Variants in ERBB2 observed in about 807,000 individuals in gnomAD.
ERBB2 encodes the protein erb-b2 receptor tyrosine kinase 2.
Under a neutral mutation model 149.0 loss-of-function variants are expected in ERBB2, and 61 were observed. The observed-to-expected ratio is 0.41, with a 90% confidence interval of 0.33 to 0.51. The LOEUF (loss-of-function observed/expected upper bound fraction) is 0.51, where lower values mean the gene tolerates loss of function less well. Ranked by LOEUF, ERBB2 falls within the 20% of genes least tolerant of loss-of-function variation. ERBB2 has a pLI of 0.25. For synonymous variants in ERBB2, 633 were observed against 678.8 expected (o/e 0.93, Z 1.05); for missense variants, 1,205 against 1,655.1 (o/e 0.73, Z 4.72).
chr17:39,716,715 C>A, intron 14 of ERBB2, 110 bp downstream of exon 14: 1 of 991,080 alleles, frequency 1.0e-6, no homozygotes, highest in Non-Finnish European at 1.5e-6. Context: ...GTAAAATATC[C>A]CTGGAGAGGG....
chr17:39,711,411 C>G (rs867519271), intron 7 of ERBB2, among the ~76,000 whole-genome samples: 10 of 152,302 alleles, frequency 6.6e-5, no homozygotes, highest in Non-Finnish European at 1.3e-4. Flanking sequence ...AAGCTGGTCT[C>G]GAACTCCTGA....
At chr17:39,705,740 C>T (rs2058387750) in intron 1 of ERBB2, among the ~76,000 whole-genome samples, 1 of 152,022 alleles carries the variant, frequency 6.6e-6, no homozygotes, top group Non-Finnish European at 1.5e-5. Flanking sequence ...GTATTACCCC[C>T]TAGGATTTGA....
At chr17:39,714,640 T>G (rs2059011024) in intron 9 of ERBB2, among the ~76,000 whole-genome samples, 1 of 152,080 alleles carries the variant, frequency 6.6e-6, no homozygotes, top group Non-Finnish European at 1.5e-5. Context: ...ATTTAACAGC[T>G]CCCCTATTTA....
At chr17:39,695,001 G>A (rs1448184940) in exon 1 of ERBB2, 1 of 152,418 alleles carries the variant, frequency 6.6e-6, no homozygotes, top group African/African-American at 2.4e-5. Flanking sequence ...GCAAAGCAAA[G>A]CTATATTCAA....
Position 39,728,155 on chromosome 17 carries a change from C to A in ERBB2, c.*111C>A. 1.4e-6 allele frequency: 1 copy of A among 733,056 alleles called. No homozygotes were observed. The highest frequency in any genetic ancestry group is 2.2e-6 in the Non-Finnish European group (1 of 459,078). The allele number at this position is 733,056 out of a possible 1,614,324, so 45.4% of individuals were successfully genotyped here. On this transcript the variant is annotated 3_prime_UTR_variant, in exon 27 of 27. Coordinates refer to ENST00000269571, the MANE Select transcript of ERBB2 (RefSeq NM_004448.4). ...GGCCCTCCGACCACTTCCAGGGGAA[C>A]CTGCCATGCCAGGAACCTGTCCTAA...
In ERBB2 at chr17:39,728,001, C is replaced by A. The variant is rs778352367; in HGVS notation, c.3725C>A (p.Thr1242Lys). The A allele has an allele frequency of 6.2e-7, 1 of 1,610,240 alleles. No individual in the cohort carries two copies. The change falls in exon 27 of 27, where the codon ACG becomes AAG. Residue 1242 changes from threonine to lysine, a missense_variant. Thr to Lys is a moderately conservative substitution (Grantham distance 78). Transcript: ENST00000269571. ...APPSTFKGTP[T>K]AENPEYLGLD... is the part of the protein sequence containing the mutation. ...CCCAGCACCTTCAAAGGGACACCTA[C>A]GGCAGAGAACCCAGAGTACCTGGGT...
At position 39,725,276 on chromosome 17, in the gene ERBB2, G is replaced by C. The variant is rs1439216090; in HGVS notation, c.2650-51G>C. 2.5e-6 allele frequency: 4 copies of C among 1,612,980 alleles called. No individual in the cohort carries two copies. The highest frequency in any genetic ancestry group is 1.7e-5 in the Admixed American group (1 of 59,990). On this transcript the variant is annotated intron_variant, in intron 21 of 26. Coordinates refer to ENST00000269571, the MANE Select transcript of ERBB2 (RefSeq NM_004448.4). The surrounding 1 kb of genome is among the most constrained non-coding windows in gnomAD (Gnocchi z 4.6). ...CTAGCCCATGGGAGAACTCTGAGTG[G>C]CCACCTCCCCACAACACACAGTTGG...
chr17:39,699,704 A>C, upstream of ERBB2: 1 of 747,108 alleles, frequency 1.3e-6, no homozygotes, highest in Non-Finnish European at 2.3e-6. Flanking sequence ...CAAGCTCCCC[A>C]GGAAAGTTTA....
chr17:39,725,984 A>C lies in ERBB2; in HGVS notation c.2872+131A>C. On this transcript the variant is annotated intron_variant, in intron 23 of 26. Coordinates refer to ENST00000269571, the MANE Select transcript of ERBB2 (RefSeq NM_004448.4). The surrounding 1 kb of genome is among the most constrained non-coding windows in gnomAD (Gnocchi z 4.6). Reference sequence around the variant, plus strand: ...GCCCTAGTATGTTAGGAGCCTCAAAACCTTCTTGTATCCCTTTTACAGTCA... The same window carrying C: ...GCCCTAGTATGTTAGGAGCCTCAAACCCTTCTTGTATCCCTTTTACAGTCA... The C allele has an allele frequency of 2.2e-6, 2 of 894,592 alleles. No individual in the cohort carries two copies. Among genetic ancestry groups the C allele is most frequent in the Non-Finnish European group, 3.4e-6 (2 of 582,924 alleles). 55.4% of individuals were successfully genotyped at this position (894,592 alleles called of 1,614,324 possible).
chr17:39,704,690 C>T (rs1420010067), intron 1 of ERBB2, among the ~76,000 whole-genome samples: 1 of 152,082 alleles, frequency 6.6e-6, no homozygotes, highest in Non-Finnish European at 1.5e-5. Flanking sequence ...GGGGTGTTAG[C>T]CAGCAAGCCT....
At chr17:39,697,358 T>TG (rs1362383510), upstream of ERBB2, among the ~76,000 whole-genome samples, 4 of 147,414 alleles carry the variant, frequency 2.7e-5, no homozygotes, top group East Asian at 1.9e-4. Flanking sequence ...TGTTTTGTTT[T>TG]TTTTTTTTTT....
Position 39,727,911 on chromosome 17 carries a change from C to T in ERBB2, c.3635C>T (p.Ala1212Val), listed in dbSNP as rs1206558778. 3 of 1,614,200 alleles carry T rather than the reference C, an allele frequency of 1.9e-6. No homozygotes were observed. Among genetic ancestry groups the T allele is most frequent in the Non-Finnish European group, 2.5e-6 (3 of 1,180,024 alleles). Reference sequence around the variant, plus strand: ...GCCCCTCAGCCCCACCCTCCTCCTGCCTTCAGCCCAGCCTTCGACAACCTC... The same window carrying T: ...GCCCCTCAGCCCCACCCTCCTCCTGTCTTCAGCCCAGCCTTCGACAACCTC... The part of the protein sequence containing the change: ...GAAPQPHPPP[A>V]FSPAFDNLYY... The change falls in exon 27 of 27, where the codon GCC becomes GTC. Residue 1212 changes from alanine to valine, a missense_variant. Coordinates refer to ENST00000269571, the MANE Select transcript of ERBB2 (RefSeq NM_004448.4). The surrounding 1 kb of genome is among the most constrained non-coding windows in gnomAD (Gnocchi z 4.3).
At chr17:39,691,955 A>ATATATATATATATATATATATC (rs2057723063), upstream of ERBB2, among the ~76,000 whole-genome samples, 1 of 145,356 alleles carries the variant, frequency 6.9e-6, no homozygotes, top group African/African-American at 2.6e-5. Flanking sequence ...ATATATATAT[A>ATATATATATATATATATATATC]TATCTCTTGT....
chr17:39,727,528 G>T lies in ERBB2; in HGVS notation c.3393G>T (p.Leu1131=), dbSNP rs2143259520. The T allele has an allele frequency of 6.2e-7, 1 of 1,603,388 alleles. No individual in the cohort carries two copies. The highest frequency in any genetic ancestry group is 1.7e-4 in the Middle Eastern group (1 of 5,990). The change falls in exon 26 of 27, where the codon CTG becomes CTT. Residue 1131 remains leucine, a synonymous_variant. Coordinates refer to ENST00000269571, the MANE Select transcript of ERBB2 (RefSeq NM_004448.4). This position sits in a 1 kb window ranked among gnomAD's most constrained non-coding sequence, Gnocchi z 4.3. ...AGACTGATGGCTACGTTGCCCCCCT[G>T]ACCTGCAGCCCCCAGCCTGGTATGG... The part of the protein sequence containing the change: ...PSETDGYVAP[L]TCSPQPEYVN...
At chr17:39,720,979 A>T (rs910939382) in intron 16 of ERBB2, among the ~76,000 whole-genome samples, 4 of 152,140 alleles carry the variant, frequency 2.6e-5, no homozygotes, top group Middle Eastern at 3.4e-3. Flanking sequence ...AGTGATTGAG[A>T]CAGGGTCTTG....
At chr17:39,697,349 G>C (rs12103924), upstream of ERBB2, among the ~76,000 whole-genome samples, 1 of 132,338 alleles carries the variant, frequency 7.6e-6, no homozygotes, top group Admixed American at 7.5e-5. Context: ...TTGTTTTTTT[G>C]TTTTGTTTTT....
In ERBB2 at chr17:39,708,449, C is replaced by T. The variant is rs2145442780; in HGVS notation, c.354C>T (p.Asp118=). The T allele has an allele frequency of 5.0e-6, 8 of 1,614,236 alleles. No individual in the cohort carries two copies. Among genetic ancestry groups the T allele is most frequent in the Non-Finnish European group, 6.8e-6 (8 of 1,180,028 alleles). The change falls in exon 3 of 27, where the codon GAC becomes GAT. Residue 118 remains aspartate, a synonymous_variant. Transcript: ENST00000269571. ...ACAACTATGCCCTGGCCGTGCTAGACAATGGAGACCCGCTGAACAATACCA... is the reference window on the plus strand; with the variant it reads ...ACAACTATGCCCTGGCCGTGCTAGATAATGGAGACCCGCTGAACAATACCA... ...FEDNYALAVL[D]NGDPLNNTTP...
At position 39,726,998 on chromosome 17, in the gene ERBB2, A is replaced by G; in HGVS notation, c.3154A>G (p.Thr1052Ala). Residue 1052 changes from threonine (T) to alanine (A), a missense_variant, in exon 25 of 27, where the codon ACC becomes GCC. Coordinates refer to ENST00000269571, the MANE Select transcript of ERBB2 (RefSeq NM_004448.4). The surrounding 1 kb of genome is among the most constrained non-coding windows in gnomAD (Gnocchi z 5.1). The part of the protein sequence containing the change: ...MVHHRHRSSS[T>A]RSGGGDLTLG... ...CCACCACAGGCACCGCAGCTCATCT[A>G]CCAGGGTCAGTGCCCTCGGTCACAC... is the stretch of plus-strand genomic sequence containing the variant. The G allele has an allele frequency of 1.3e-6, 2 of 1,595,930 alleles. No homozygotes were observed. Among genetic ancestry groups the G allele is most frequent in the African/African-American group, 1.3e-5 (1 of 74,554 alleles).
chr17:39,706,772 A>G (rs2058466654), intron 1 of ERBB2: 3 of 405,310 alleles, frequency 7.4e-6, no homozygotes, highest in Non-Finnish European at 1.3e-5. Flanking sequence ...GGGCCTAGTC[A>G]GAAGAAGCCT....
Sources: gnomAD v4.1 joint callset for allele counts (sites outside exome capture counted in the v4.1 genomes callset) on GRCh38, gnomAD v4.1.1 for gene constraint, Gnocchi (gnomAD v3.1) non-coding constraint, MANE v1.5 for transcripts, NCBI Gene and HGNC (gene_info 2026-07-23, HGNC 2026-07-21) for gene names.